The following TENM3 variants were observed in gnomAD, a reference collection of about 807,000 sequenced individuals.
The protein encoded by TENM3 is teneurin-3.
Under a neutral mutation model 255.1 loss-of-function variants are expected in TENM3, and 63 were observed. The observed-to-expected ratio is 0.25, with a 90% confidence interval of 0.20 to 0.30. TENM3 has a LOEUF of 0.30. Among genes scored for constraint, TENM3 ranks in the 10% least tolerant of loss-of-function variants. The pLI is 1.00. For missense variants in TENM3, 2,929 were observed against 3,461.1 expected (o/e 0.85, Z 3.86); for synonymous variants, 1,306 against 1,322.3 (o/e 0.99, Z 0.27).
intron 26 of TENM3, 54 bp from the exon 27 acceptor site, chr4:182,796,583 A>C: frequency 6.9e-7 from 1 of 1,455,190 alleles, no homozygotes; most frequent in East Asian, 2.5e-5. Flanking sequence ...ATTTAAATTT[A>C]TGAAAGGACA....
chr4:181,754,859 T>G, the TENM3 span, among the ~76,000 whole-genome samples: 1 of 152,184 alleles, frequency 6.6e-6, no homozygotes, highest in Non-Finnish European at 1.5e-5. Flanking sequence ...TAATATAACA[T>G]GCAACCCCCA....
intron 1 of TENM3, among the ~76,000 whole-genome samples, chr4:182,280,340 T>C (rs1275100992): frequency 6.6e-6 from 1 of 152,216 alleles, no homozygotes; most frequent in Non-Finnish European, 1.5e-5. Flanking sequence ...TATTTCTGTG[T>C]GTTCTACATT....
At chr4:181,913,255 A>G in the TENM3 span, among the ~76,000 whole-genome samples, 7 of 152,194 alleles carry the variant, frequency 4.6e-5, no homozygotes, top group African/African-American at 1.7e-4. Context: ...TTTGAGATAT[A>G]AAATATACCT....
chr4:182,347,589 CT>C (rs1764909993), intron 3 of TENM3, among the ~76,000 whole-genome samples: 1 of 151,828 alleles, frequency 6.6e-6, no homozygotes, highest in South Asian at 2.1e-4. Context: ...CAAATAGCAG[CT>C]TTTTGTATAT....
rs886499114 is a variant in TENM3, at chr4:182,191,773, A to C, written c.-76+47019A>C. Among the ~76,000 whole-genome samples, 12 of 152,288 alleles carry C rather than the reference A, an allele frequency of 7.9e-5. No homozygotes were observed. The East Asian group carries it at 2.3e-3, about 29-fold the overall frequency. ...CAGCCAGAGATCTAAAGCCCTTTTT[A>C]CTGGGATTTCCTTTCAGTGTTGTAC... On this transcript the variant is annotated intron_variant, in intron 1 of 2. Coordinates refer to the TENM3 transcript ENST00000512480.
chr4:182,173,193 C>CCA, intron 1 of TENM3, among the ~76,000 whole-genome samples: 1 of 152,202 alleles, frequency 6.6e-6, no homozygotes, highest in South Asian at 2.1e-4. Flanking sequence ...TTATGATGTG[C>CCA]CACACACATA....
the TENM3 span, among the ~76,000 whole-genome samples, chr4:181,679,953 G>C: frequency 1.3e-5 from 2 of 152,050 alleles, no homozygotes; most frequent in Non-Finnish European, 2.9e-5. Context: ...GCTTGACTGA[G>C]ATGACAATTT....
intron 1 of TENM3, among the ~76,000 whole-genome samples, chr4:182,283,174 C>T (rs934709843): frequency 3.3e-5 from 5 of 152,066 alleles, no homozygotes; most frequent in Admixed American, 6.5e-5. Flanking sequence ...TCCTTTTAAA[C>T]GTTTATGTTT....
chr4:182,249,814 G>A (rs1269943689), intron 1 of TENM3, among the ~76,000 whole-genome samples: 1 of 151,940 alleles, frequency 6.6e-6, no homozygotes, highest in African/African-American at 2.4e-5. Flanking sequence ...ACCCAGGCTG[G>A]AGTGCAGTGG....
At chr4:182,681,708 G>A (rs1269953458) in intron 10 of TENM3, 106 bp from the exon 11 acceptor site, 2 of 820,938 alleles carry the variant, frequency 2.4e-6, no homozygotes, top group Non-Finnish European at 3.8e-6. Context: ...ATAAATATTT[G>A]ATTTTCCAAA....
chr4:181,804,080 A>G, the TENM3 span, among the ~76,000 whole-genome samples: 650 of 44,350 alleles, frequency 0.015, 9 homozygotes, highest in African/African-American at 0.037. Flanking sequence ...GGAAAGAAAG[A>G]AAGAAAGGAA....
the TENM3 span, among the ~76,000 whole-genome samples, chr4:181,886,679 T>G: frequency 2.6e-5 from 4 of 152,202 alleles, no homozygotes; most frequent in African/African-American, 7.2e-5. Flanking sequence ...TCTCTTAGGT[T>G]TTTTTCTAAT....
intron 4 of TENM3, among the ~76,000 whole-genome samples, chr4:182,602,303 G>C (rs1747969349): frequency 6.6e-6 from 1 of 152,216 alleles, no homozygotes. Flanking sequence ...AGAAAATAGA[G>C]AGCTCTTGAC....
chr4:181,779,992 T>G, the TENM3 span, among the ~76,000 whole-genome samples: 1 of 152,236 alleles, frequency 6.6e-6, no homozygotes, highest in African/African-American at 2.4e-5. Context: ...CTGCATAGTA[T>G]TCCATGGTGT....
At chr4:181,519,687 G>A in the TENM3 span, among the ~76,000 whole-genome samples, 2,925 of 152,196 alleles carry the variant, frequency 0.019, 92 homozygotes, top group African/African-American at 0.066. Flanking sequence ...GATCAATCAC[G>A]TTTTCACTTA....
At chr4:181,902,633 G>A in the TENM3 span, among the ~76,000 whole-genome samples, 39 of 152,270 alleles carry the variant, frequency 2.6e-4, no homozygotes, top group African/African-American at 9.4e-4. Context: ...GGACATGGAT[G>A]AAGCTGGAAG....
At chr4:181,453,035 G>A in the TENM3 span, among the ~76,000 whole-genome samples, 3 of 152,212 alleles carry the variant, frequency 2.0e-5, no homozygotes, top group African/African-American at 7.2e-5. Flanking sequence ...TAAGGTTGAT[G>A]ACTATAAGTA....
At chr4:182,299,727 G>A (rs1761732255) in intron 1 of TENM3, among the ~76,000 whole-genome samples, 1 of 152,086 alleles carries the variant, frequency 6.6e-6, no homozygotes, top group African/African-American at 2.4e-5. Flanking sequence ...ATTACCTGCT[G>A]AGGTCAGGTG....
intron 22 of TENM3, among the ~76,000 whole-genome samples, chr4:182,769,651 G>C (rs1298463572): frequency 6.6e-6 from 1 of 152,008 alleles, no homozygotes; most frequent in Non-Finnish European, 1.5e-5. Context: ...AGAAACAGTG[G>C]CAGGCGCCTG....
Sources: allele counts gnomAD v4.1 joint callset (sites outside exome capture counted in the v4.1 genomes callset), GRCh38; gene constraint gnomAD v4.1.1; transcripts MANE v1.5; gene names NCBI Gene and HGNC (gene_info 2026-07-23, HGNC 2026-07-21).